Variants in SERGEF observed in about 807,000 individuals in gnomAD.
The protein encoded by SERGEF is secretion regulating guanine nucleotide exchange factor, also known as secretion-regulating guanine nucleotide exchange factor.
Under a neutral mutation model 50.0 loss-of-function variants are expected in SERGEF, and 51 were observed. That is an observed-to-expected ratio of 1.02 (90% confidence interval 0.81 to 1.29). The LOEUF (loss-of-function observed/expected upper bound fraction) is 1.29. Among genes scored for constraint, SERGEF ranks in the 50% most tolerant of loss-of-function variants. The probability of loss-of-function intolerance (pLI) is 0.00; values close to 1 mark genes in which losing one functional copy is unlikely to be tolerated. For synonymous variants in SERGEF, 205 were observed against 212.4 expected (o/e 0.97, Z 0.30); for missense variants, 521 against 557.0 (o/e 0.94, Z 0.65).
At chr11:17,858,200 C>A (rs1375328422) in intron 10 of SERGEF, among the ~76,000 whole-genome samples, 1 of 152,174 alleles carries the variant, frequency 6.6e-6, no homozygotes, top group Non-Finnish European at 1.5e-5. Flanking sequence ...CCCAGATTCT[C>A]CCCAACACAC....
intron 9 of SERGEF, among the ~76,000 whole-genome samples, chr11:17,903,236 C>T (rs573766946): frequency 2.0e-5 from 3 of 152,212 alleles, no homozygotes; most frequent in South Asian, 2.1e-4. Flanking sequence ...TCTCTCTGAA[C>T]CCCTGGACTG....
intron 8 of SERGEF, among the ~76,000 whole-genome samples, chr11:17,988,109 T>C (rs1195466143): frequency 6.6e-6 from 1 of 152,174 alleles, no homozygotes; most frequent in Non-Finnish European, 1.5e-5. Flanking sequence ...AGGGAATATA[T>C]GAGATGTCTG....
At position 17,881,603 on chromosome 11, in the gene SERGEF, G is replaced by A. The variant is rs532361292; in HGVS notation, c.1012-3359C>T. Reference sequence around the variant, plus strand: ...AAGATGCTGTTAACAATGGCAATGCGCCCAAGAGAAAGAGATTCAGGACCA... The same window carrying A: ...AAGATGCTGTTAACAATGGCAATGCACCCAAGAGAAAGAGATTCAGGACCA... On this transcript the variant is annotated intron_variant, in intron 9 of 10. Transcript: ENST00000265965. Among the ~76,000 whole-genome samples, 5 of 152,266 alleles carry A rather than the reference G, an allele frequency of 3.3e-5. No individual in the cohort carries two copies. The South Asian group carries it at 6.2e-4, about 19-fold the overall frequency.
chr11:17,861,119 T>C (rs1412745821), intron 10 of SERGEF, among the ~76,000 whole-genome samples: 4 of 152,288 alleles, frequency 2.6e-5, no homozygotes, highest in Admixed American at 2.6e-4. Flanking sequence ...TGCATGTCTG[T>C]GGCATTGACT....
rs1850733180 is a variant in SERGEF, at chr11:17,852,537, T to C, written c.1048+25671A>G. On this transcript the variant is annotated intron_variant, in intron 10 of 10. Coordinates refer to ENST00000265965, the MANE Select transcript of SERGEF (RefSeq NM_012139.4). ...CATTTGGCTCAGGTAGGTGGAATTATTTATGTAAGAATTTCAGTGGCCTCC... is the reference window on the plus strand; with the variant it reads ...CATTTGGCTCAGGTAGGTGGAATTACTTATGTAAGAATTTCAGTGGCCTCC... Among the ~76,000 whole-genome samples the C allele has an allele frequency of 2.0e-5, 3 of 152,174 alleles. No homozygotes were observed. In the South Asian group the frequency reaches 6.2e-4, roughly 32 times the overall value.
Position 17,988,744 on chromosome 11 carries a change from C to T in SERGEF, c.697G>A (p.Val233Met), listed in dbSNP as rs933166327. 1 of 1,613,896 alleles carries T rather than the reference C, an allele frequency of 6.2e-7. No individual in the cohort carries two copies. Among genetic ancestry groups the T allele is most frequent in the Non-Finnish European group, 8.5e-7 (1 of 1,179,896 alleles). Reference protein sequence around the residue: ...HSASLTDAGEVYVWGSNKHGQ... With the variant: ...HSASLTDAGEMYVWGSNKHGQ... The stretch of plus-strand genomic sequence containing the variant: ...TGCTTGTTGCTTCCCCAAACATACA[C>T]CTCTCCTGCATCTTAAACAAACAGA... The change falls in exon 8 of 11, where the codon GTG (valine) becomes ATG (methionine). Residue 233 changes from valine to methionine, a missense_variant. Physicochemically the swap from Val to Met is conservative, Grantham distance 21 (BLOSUM62 1). Coordinates refer to ENST00000265965, the MANE Select transcript of SERGEF (RefSeq NM_012139.4).
intron 8 of SERGEF, among the ~76,000 whole-genome samples, chr11:17,976,881 G>A (rs1289054058): frequency 2.0e-5 from 3 of 152,226 alleles, no homozygotes; most frequent in African/African-American, 4.8e-5. Flanking sequence ...TGGACAGATG[G>A]GGAAGCCAAG....
intron 9 of SERGEF, among the ~76,000 whole-genome samples, chr11:17,899,745 C>T (rs2237926): frequency 0.21 from 32,415 of 151,676 alleles, 3,693 homozygotes; most frequent in Middle Eastern, 0.29. Flanking sequence ...TTGAGGCCAG[C>T]GGTTCAAGAC....
At chr11:17,856,575 C>T (rs542169521) in intron 10 of SERGEF, 20 of 152,220 alleles carry the variant, frequency 1.3e-4, no homozygotes, top group Non-Finnish European at 1.9e-4. Context: ...TCTTTAGATA[C>T]CCAAGTCCTT....
chr11:17,976,327 C>T (rs534839430), intron 8 of SERGEF, among the ~76,000 whole-genome samples: 2 of 152,126 alleles, frequency 1.3e-5, no homozygotes, highest in African/African-American at 4.8e-5. Context: ...ACTCTGTCGC[C>T]CAGGCTAGAG....
chr11:18,009,537 G>A (rs1426838852), intron 1 of SERGEF, among the ~76,000 whole-genome samples: 2 of 152,172 alleles, frequency 1.3e-5, no homozygotes, highest in African/African-American at 4.8e-5. Flanking sequence ...CAATGACTCT[G>A]GAATCAAAGC....
chr11:17,896,760 G>GAAGGAT lies in SERGEF; in HGVS notation c.1012-18517_1012-18516insATCCTT, dbSNP rs1231571530. On this transcript the variant is annotated intron_variant, in intron 9 of 10. Transcript: ENST00000265965. Reference sequence around the variant, plus strand: ...ACGGAAGGGTAACGGAAGGGTAAGGGAAGGGAAGGGTAAGGGAAGGGTAAG... The same window carrying GAAGGAT: ...ACGGAAGGGTAACGGAAGGGTAAGGGAAGGATAAGGGAAGGGTAAGGGAAGGGTAAG... Among the ~76,000 whole-genome samples the GAAGGAT allele has an allele frequency of 8.6e-3, 518 of 60,048 alleles. 37 individuals are homozygous for GAAGGAT. Among genetic ancestry groups the GAAGGAT allele is most frequent in the Middle Eastern group, 0.027 (2 of 74 alleles). The allele number at this position is 60,048 out of a possible 152,430, so 39.4% of individuals were successfully genotyped here. A position where few individuals can be genotyped will look rare whatever the true frequency, so the allele number is the denominator to read the frequency against.
Position 17,819,789 on chromosome 11 carries a change from A to G in SERGEF, c.1049-31376T>C, listed in dbSNP as rs149519376. Among the ~76,000 whole-genome samples the G allele has an allele frequency of 2.4e-3, 366 of 152,300 alleles. 2 individuals are homozygous for G. Among genetic ancestry groups the G allele is most frequent in the African/African-American group, 8.3e-3 (345 of 41,566 alleles). ...AGCCCCTCACACATCAAAGAACCAG[A>G]GGTGCTGGGCAAAACTCTACGATGG... On this transcript the variant is annotated intron_variant, in intron 10 of 10. Transcript: ENST00000265965.
At chr11:17,809,730 T>C (rs1175895377) in intron 10 of SERGEF, among the ~76,000 whole-genome samples, 1 of 151,814 alleles carries the variant, frequency 6.6e-6, no homozygotes, top group Non-Finnish European at 1.5e-5. Context: ...TGTGAAGCTG[T>C]GGGTACAGAG....
chr11:17,996,394 C>T (rs936531886), intron 5 of SERGEF, among the ~76,000 whole-genome samples: 42 of 152,208 alleles, frequency 2.8e-4, no homozygotes, highest in African/African-American at 9.7e-4. Context: ...TTTCCTAACA[C>T]CTAATGTAGT....
At chr11:17,994,821 G>C (rs1043870840) in intron 6 of SERGEF, among the ~76,000 whole-genome samples, 5 of 152,038 alleles carry the variant, frequency 3.3e-5, no homozygotes, top group Admixed American at 1.3e-4. Flanking sequence ...AGAAAAATTA[G>C]AATGATCTCA....
chr11:17,976,439 C>A (rs1853374545), intron 8 of SERGEF, among the ~76,000 whole-genome samples: 1 of 150,418 alleles, frequency 6.6e-6, no homozygotes, highest in Non-Finnish European at 1.5e-5. Context: ...GCATGCACCA[C>A]CACCTCGGCT....
chr11:18,000,598 C>G, intron 4 of SERGEF, 41 bp from the exon 5 acceptor site: 1 of 1,421,000 alleles, frequency 7.0e-7, no homozygotes, highest in South Asian at 1.2e-5. Flanking sequence ...CAGAACCATC[C>G]ATCTACAAAA....
chr11:18,012,755 G>T, intron 1 of SERGEF, 196 bp downstream of exon 1: 2 of 1,421,982 alleles, frequency 1.4e-6, no homozygotes, highest in Non-Finnish European at 1.9e-6. Context: ...CCCCTAAGTC[G>T]ACCGCGAAGA....
Sources: allele counts gnomAD v4.1 joint callset (sites outside exome capture counted in the v4.1 genomes callset), GRCh38; gene constraint gnomAD v4.1.1; transcripts MANE v1.5; gene names NCBI Gene and HGNC (gene_info 2026-07-23, HGNC 2026-07-21).